GPC5: variants seen among roughly 807,000 people sequenced by gnomAD.
GPC5 encodes the protein glypican-5.
A neutral mutation model predicts 53.9 loss-of-function variants in GPC5; 47 were observed. That is an observed-to-expected ratio of 0.87 (90% CI 0.69 to 1.11). GPC5 has a LOEUF of 1.11. Ranked by LOEUF, GPC5 falls within the 50% of genes most tolerant of loss-of-function variation. The pLI is 0.00. For missense variants in GPC5, 748 were observed against 713.1 expected (o/e 1.05, Z -0.56); for synonymous variants, 286 against 263.3 (o/e 1.09, Z -0.84).
chr13:92,555,569 A>C (rs1337428523), intron 7 of GPC5, among the ~76,000 whole-genome samples: 1 of 150,758 alleles, frequency 6.6e-6, no homozygotes, highest in Non-Finnish European at 1.5e-5. Flanking sequence ...TTACAATTGA[A>C]AATGTCCTCT....
At chr13:92,849,339 G>A (rs1878715700) in intron 7 of GPC5, among the ~76,000 whole-genome samples, 1 of 152,182 alleles carries the variant, frequency 6.6e-6, no homozygotes, top group Non-Finnish European at 1.5e-5. Flanking sequence ...TTTAGAGGTT[G>A]AAGTATTAAG....
chr13:92,478,313 G>T lies in GPC5; in HGVS notation c.1561+333324G>T, dbSNP rs576465093. ...ATTTCTCTTGATCCTTAAAAGCCTT[G>T]TAAATAAAGACAGTTCAGTTGAAGA... On this transcript the variant is annotated intron_variant, in intron 7 of 7. Transcript: ENST00000377067. Among the ~76,000 whole-genome samples, 171 of 152,248 alleles carry T rather than the reference G, an allele frequency of 1.1e-3. 3 individuals carry two copies. The South Asian group carries it at 0.034, about 30-fold the overall frequency.
At chr13:92,209,566 A>G (rs2042360167) in intron 7 of GPC5, among the ~76,000 whole-genome samples, 1 of 152,194 alleles carries the variant, frequency 6.6e-6, no homozygotes, top group African/African-American at 2.4e-5. Flanking sequence ...ACTGCTGTTA[A>G]TAAGCTTGCC....
In GPC5 at chr13:91,735,216, G is replaced by T. The variant is rs535584130; in HGVS notation, c.1154+6551G>T. Among the ~76,000 whole-genome samples the T allele has an allele frequency of 4.0e-5, 6 of 150,804 alleles. No individual in the cohort carries two copies. The South Asian group carries it at 1.3e-3, about 31-fold the overall frequency. On this transcript the variant is annotated intron_variant, in intron 4 of 7. Coordinates refer to ENST00000377067, the MANE Select transcript of GPC5 (RefSeq NM_004466.6). ...ACTATATTTTTTCTACTAGCTCTAT[G>T]GTTTTTTCTCTTATTATACATAATA...
intron 7 of GPC5, among the ~76,000 whole-genome samples, chr13:92,740,942 G>GTATATATATATATA: frequency 1.0e-5 from 1 of 99,958 alleles, no homozygotes; most frequent in Non-Finnish European, 2.2e-5. Context: ...GCATGTATGT[G>GTATATATATATATA]TGTATATATA....
intron 5 of GPC5, among the ~76,000 whole-genome samples, chr13:91,814,028 G>A (rs2038360453): frequency 2.1e-5 from 3 of 145,004 alleles, no homozygotes; most frequent in Non-Finnish European, 4.5e-5. Context: ...TGCCTTCCGG[G>A]TTCAAGCCAT....
chr13:92,165,219 T>C (rs2042018564), intron 7 of GPC5, among the ~76,000 whole-genome samples: 1 of 152,214 alleles, frequency 6.6e-6, no homozygotes, highest in Admixed American at 6.5e-5. Flanking sequence ...GGGTTTTTCT[T>C]TTCTATTGGA....
chr13:92,759,131 A>G (rs1055409953), intron 7 of GPC5, among the ~76,000 whole-genome samples: 3 of 150,662 alleles, frequency 2.0e-5, no homozygotes, highest in Non-Finnish European at 4.4e-5. Flanking sequence ...TGCCAGTACC[A>G]TACTATTTGC....
chr13:92,532,813 C>T (rs1215050293), intron 7 of GPC5, among the ~76,000 whole-genome samples: 1 of 152,078 alleles, frequency 6.6e-6, no homozygotes, highest in African/African-American at 2.4e-5. Context: ...GGGCCCAATA[C>T]ACTAATTTAT....
intron 2 of GPC5, among the ~76,000 whole-genome samples, chr13:91,487,929 G>T (rs1594154402): frequency 6.8e-6 from 1 of 146,980 alleles, no homozygotes; most frequent in Non-Finnish European, 1.5e-5. Context: ...ATTTAAACAG[G>T]TTTTTTTTTT....
rs1312769508 is a variant in GPC5, at chr13:92,198,495, T to A, written c.1561+53506T>A. On this transcript the variant is annotated intron_variant, in intron 7 of 7. Coordinates refer to ENST00000377067, the MANE Select transcript of GPC5 (RefSeq NM_004466.6). ...ATGACTTATAGTTCAGATATTTGAA[T>A]GACCAAATTAGCTCAAATATTATTC... Among the ~76,000 whole-genome samples, 5 of 152,318 alleles carry A rather than the reference T, an allele frequency of 3.3e-5. No individual in the cohort carries two copies. In the South Asian group the frequency reaches 6.2e-4, roughly 19 times the overall value.
At chr13:92,503,652 G>A (rs1349082832) in intron 7 of GPC5, among the ~76,000 whole-genome samples, 4 of 151,556 alleles carry the variant, frequency 2.6e-5, no homozygotes, top group South Asian at 2.1e-4. Flanking sequence ...TATCTTTATC[G>A]ATACCCAATT....
At chr13:92,733,070 T>C (rs1355602034) in intron 7 of GPC5, among the ~76,000 whole-genome samples, 1 of 151,760 alleles carries the variant, frequency 6.6e-6, no homozygotes, top group African/African-American at 2.4e-5. Flanking sequence ...ATTGAAGGAT[T>C]CTTTATTTGA....
chr13:91,641,859 C>A (rs1444478783), intron 2 of GPC5, among the ~76,000 whole-genome samples: 1 of 152,152 alleles, frequency 6.6e-6, no homozygotes, highest in Admixed American at 6.5e-5. Context: ...GGTCTAGGGG[C>A]ATGGATCCCA....
Position 92,591,297 on chromosome 13 carries a change from G to A in GPC5, c.1562-274985G>A, listed in dbSNP as rs140869227. On this transcript the variant is annotated intron_variant, in intron 7 of 7. Coordinates refer to ENST00000377067, the MANE Select transcript of GPC5 (RefSeq NM_004466.6). ...GGGTACATTGACTGGGGAGCCTGAT[G>A]TGTGTCGCTATTAGGGAACGTGGAC... Among the ~76,000 whole-genome samples the A allele has an allele frequency of 5.9e-5, 9 of 152,164 alleles. No individual in the cohort carries two copies. In the East Asian group the frequency reaches 1.7e-3, roughly 30 times the overall value.
chr13:91,747,831 T>G (rs1014580230), intron 4 of GPC5, among the ~76,000 whole-genome samples: 1 of 152,226 alleles, frequency 6.6e-6, no homozygotes, highest in African/African-American at 2.4e-5. Context: ...TTAAACAAGA[T>G]GTTGAAGTCT....
intron 3 of GPC5, among the ~76,000 whole-genome samples, chr13:91,721,141 T>TTTC (rs2139967140): frequency 7.0e-6 from 1 of 142,368 alleles, no homozygotes; most frequent in African/African-American, 2.7e-5. Context: ...TTCTTTCTTT[T>TTTC]TTTGGGTGGG....
At chr13:91,792,788 G>A (rs1311702251) in intron 5 of GPC5, among the ~76,000 whole-genome samples, 1 of 152,126 alleles carries the variant, frequency 6.6e-6, no homozygotes, top group Admixed American at 6.6e-5. Context: ...TCGATCAAAA[G>A]CAATTCTGTA....
chr13:91,790,078 C>G (rs1050176306), intron 5 of GPC5, among the ~76,000 whole-genome samples: 1 of 152,204 alleles, frequency 6.6e-6, no homozygotes, highest in Admixed American at 6.6e-5. Context: ...AACATTGCCA[C>G]GTTGAGGGCC....
Sources: allele counts gnomAD v4.1 joint callset (sites outside exome capture counted in the v4.1 genomes callset), GRCh38; gene constraint gnomAD v4.1.1; transcripts MANE v1.5; gene names NCBI Gene and HGNC (gene_info 2026-07-23, HGNC 2026-07-21).